The following MTHFD2L variants were observed in gnomAD, a reference collection of about 807,000 sequenced individuals.
MTHFD2L encodes bifunctional methylenetetrahydrofolate dehydrogenase/cyclohydrolase 2, mitochondrial.
A neutral mutation model predicts 34.9 loss-of-function variants in MTHFD2L; 29 were observed. The ratio of observed to expected loss-of-function variants is 0.83; its 90% confidence interval spans 0.62 to 1.13. The LOEUF (loss-of-function observed/expected upper bound fraction) is 1.13, where lower values mean the gene tolerates loss of function less well. Among genes scored for constraint, MTHFD2L ranks in the 50% most tolerant of loss-of-function variants. The probability of loss-of-function intolerance (pLI) is 0.00; values close to 1 mark genes in which losing one functional copy is unlikely to be tolerated. For synonymous variants in MTHFD2L, 167 were observed against 155.7 expected, an observed-to-expected ratio of 1.07 and a Z score of -0.54; for missense variants, 481 against 446.5, an observed-to-expected ratio of 1.08 and a Z score of -0.70.
intron 3 of MTHFD2L, among the ~76,000 whole-genome samples, chr4:74,191,196 G>C (rs888016694): frequency 1.3e-5 from 2 of 152,092 alleles, no homozygotes; most frequent in Admixed American, 1.3e-4. Context: ...AAGTGTTGAC[G>C]TGAGCCACTG....
intron 1 of MTHFD2L, among the ~76,000 whole-genome samples, chr4:74,150,186 T>C (rs1385777901): frequency 6.6e-6 from 1 of 152,208 alleles, no homozygotes; most frequent in Non-Finnish European, 1.5e-5. Context: ...CAACCCTAAT[T>C]GACTATAGCC....
chr4:74,216,438 C>CCCAGTG (rs1414530455), intron 5 of MTHFD2L, among the ~76,000 whole-genome samples: 1 of 151,816 alleles, frequency 6.6e-6, no homozygotes, highest in African/African-American at 2.4e-5. Flanking sequence ...ATGGAAAAAT[C>CCCAGTG]CCAGTGTGGT....
intron 3 of MTHFD2L, chr4:74,190,427 CT>C (rs1732266525): frequency 1.0e-6 from 1 of 962,862 alleles, no homozygotes; most frequent in Admixed American, 6.2e-5. Context: ...TGAAGTAAGC[CT>C]GCCTGAGGAC....
At chr4:74,186,039 A>G (rs575385230) in intron 3 of MTHFD2L, among the ~76,000 whole-genome samples, 1 of 152,264 alleles carries the variant, frequency 6.6e-6, no homozygotes, top group African/African-American at 2.4e-5. Context: ...TCATGACCAA[A>G]TGTGTTTTCT....
intron 3 of MTHFD2L, among the ~76,000 whole-genome samples, chr4:74,185,151 C>CAAAAAAAAAAAAAA (rs1169021073): frequency 1.9e-4 from 3 of 15,984 alleles, no homozygotes; most frequent in African/African-American, 4.0e-4. Context: ...GACTCCATCT[C>CAAAAAAAAAAAAAA]AAAAAAAAAA....
chr4:74,249,146 T>A (rs1374608183), intron 6 of MTHFD2L, among the ~76,000 whole-genome samples: 1 of 151,502 alleles, frequency 6.6e-6, no homozygotes, highest in Admixed American at 6.6e-5. Context: ...CAGGACTTGC[T>A]TTATGAATCT....
At chr4:74,274,655 G>A (rs1234339301) in intron 6 of MTHFD2L, among the ~76,000 whole-genome samples, 3 of 152,176 alleles carry the variant, frequency 2.0e-5, no homozygotes, top group African/African-American at 4.8e-5. Context: ...TGTAGCATGG[G>A]TGAGAACTGC....
intron 6 of MTHFD2L, among the ~76,000 whole-genome samples, chr4:74,232,491 C>T (rs1740224236): frequency 6.6e-6 from 1 of 152,082 alleles, no homozygotes; most frequent in Admixed American, 6.6e-5. Flanking sequence ...CCTCACAACC[C>T]ATGCCCAAAG....
intron 7 of MTHFD2L, among the ~76,000 whole-genome samples, chr4:74,300,934 TGG>T (rs1442967669): frequency 5.9e-5 from 9 of 152,108 alleles, no homozygotes; most frequent in African/African-American, 2.2e-4. Context: ...TGGTTGATCA[TGG>T]TTGTTCACCT....
In MTHFD2L at chr4:74,140,461, A is replaced by T. The variant is rs556360957; in HGVS notation, c.-297+14944A>T. ...ATTAATTAACTTAATCCACACAAAT[A>T]CTCCTGTTTTTTTAGTATTTAAATT... On this transcript the variant is annotated intron_variant, in intron 1 of 7. Coordinates refer to the MTHFD2L transcript ENST00000433372. 17 of 542,342 alleles carry T rather than the reference A, an allele frequency of 3.1e-5. No homozygotes were observed. In the African/African-American group the frequency reaches 3.3e-4, roughly 10 times the overall value. The allele number at this position is 542,342 out of a possible 1,614,324, so 33.6% of individuals were successfully genotyped here.
intron 3 of MTHFD2L, among the ~76,000 whole-genome samples, chr4:74,190,234 G>A (rs1250258069): frequency 6.6e-6 from 1 of 152,090 alleles, no homozygotes; most frequent in Non-Finnish European, 1.5e-5. Context: ...TTTGACAGAA[G>A]TTACCAAGGG....
intron 7 of MTHFD2L, among the ~76,000 whole-genome samples, chr4:74,300,847 C>T (rs1349376953): frequency 2.0e-5 from 3 of 152,062 alleles, no homozygotes; most frequent in Non-Finnish European, 4.4e-5. Context: ...GTCTAGGCTA[C>T]CATAAACATG....
intron 6 of MTHFD2L, among the ~76,000 whole-genome samples, chr4:74,280,642 T>C (rs187438391): frequency 6.9e-6 from 1 of 144,852 alleles, no homozygotes; most frequent in Non-Finnish European, 1.5e-5. Flanking sequence ...TTTTTTTTTT[T>C]AAAAAACTGG....
intron 3 of MTHFD2L, among the ~76,000 whole-genome samples, chr4:74,175,609 C>G (rs186252645): frequency 2.0e-5 from 3 of 152,128 alleles, no homozygotes; most frequent in Non-Finnish European, 4.4e-5. Flanking sequence ...TAAGCATTGG[C>G]AATACATACA....
At chr4:74,235,607 G>A (rs1266574421) in intron 6 of MTHFD2L, among the ~76,000 whole-genome samples, 2 of 152,060 alleles carry the variant, frequency 1.3e-5, no homozygotes, top group Admixed American at 1.3e-4. Context: ...ACGAATTCAT[G>A]GATAAAACCA....
In MTHFD2L at chr4:74,175,344, C is replaced by T; in HGVS notation, c.392C>T (p.Thr131Ile). The T allele has an allele frequency of 6.2e-7, 1 of 1,613,164 alleles. No individual in the cohort carries two copies. The highest frequency in any genetic ancestry group is 8.5e-7 in the Non-Finnish European group (1 of 1,179,362). Reference sequence around the variant, plus strand: ...TCTCAGGAAGAACTTTTGGACGTAACTGATCAATTGAATATGGACCCAAGA... The same window carrying T: ...TCTCAGGAAGAACTTTTGGACGTAATTGATCAATTGAATATGGACCCAAGA... ...DVSQEELLDV[T>I]DQLNMDPRVS... The change falls in exon 3 of 8, where the codon ACT (threonine) becomes ATT (isoleucine). Residue 131 changes from threonine to isoleucine, a missense_variant. Coordinates refer to ENST00000325278, the MANE Select transcript of MTHFD2L (RefSeq NM_001144978.3).
chr4:74,250,173 C>A (rs1743100590), intron 6 of MTHFD2L, among the ~76,000 whole-genome samples: 2 of 152,060 alleles, frequency 1.3e-5, no homozygotes, highest in Non-Finnish European at 2.9e-5. Flanking sequence ...AGGCTTTGTT[C>A]ATTTCTTTTT....
chr4:74,257,978 A>G (rs1013202676), intron 6 of MTHFD2L, among the ~76,000 whole-genome samples: 2 of 152,152 alleles, frequency 1.3e-5, no homozygotes, highest in Admixed American at 6.5e-5. Context: ...CATTGGGTAT[A>G]TGAAAAAGCT....
chr4:74,201,568 AT>A (rs5859422), intron 5 of MTHFD2L, among the ~76,000 whole-genome samples, 198 bp downstream of exon 5: 107,856 of 141,168 alleles, frequency 0.76, 42,419 homozygotes, highest in East Asian at 0.94. Context: ...CATTTTCTCT[AT>A]TTTTTTTTTT....
Sources: allele counts gnomAD v4.1 joint callset (sites outside exome capture counted in the v4.1 genomes callset), GRCh38; gene constraint gnomAD v4.1.1; transcripts MANE v1.5; gene names NCBI Gene and HGNC (gene_info 2026-07-23, HGNC 2026-07-21).